MTG1: variants seen among roughly 807,000 people sequenced by gnomAD.
MTG1 encodes mitochondrial ribosome associated GTPase 1, also known as mitochondrial ribosome-associated GTPase 1.
A neutral mutation model predicts 39.5 loss-of-function variants in MTG1; 30 were observed. The ratio of observed to expected loss-of-function variants is 0.76; its 90% CI spans 0.57 to 1.03. MTG1 has a LOEUF of 1.03. MTG1 is among the 50% of genes least tolerant of loss of function. MTG1 has a pLI of 0.00. For synonymous variants in MTG1, 217 were observed against 179.0 expected (o/e 1.21, Z -1.69); for missense variants, 513 against 447.4 (o/e 1.15, Z -1.32).
At chr10:133,399,061 G>C (rs1282629833) in intron 4 of MTG1, 109 bp from the exon 5 acceptor site, 2 of 1,217,308 alleles carry the variant, frequency 1.6e-6, no homozygotes, top group Admixed American at 1.8e-5. Flanking sequence ...ACGGATATGT[G>C]AAAGTGGAGA....
At chr10:133,396,035 C>G in intron 2 of MTG1, 128 bp from the exon 3 acceptor site, 2 of 915,166 alleles carry the variant, frequency 2.2e-6, no homozygotes, top group Non-Finnish European at 3.5e-6. Flanking sequence ...ATGTTCCTGC[C>G]AACTGGGGCT....
chr10:133,398,094 C>T (rs1849815657), intron 3 of MTG1, among the ~76,000 whole-genome samples: 2 of 152,132 alleles, frequency 1.3e-5, no homozygotes, highest in Non-Finnish European at 2.9e-5. Flanking sequence ...GTGTCATCTT[C>T]GTGGACAGCT....
At position 133,399,552 on chromosome 10, in the gene MTG1, C is replaced by T; in HGVS notation, c.444C>T (p.Val148=). 2 of 1,614,204 alleles carry T rather than the reference C, an allele frequency of 1.2e-6. No individual in the cohort carries two copies. Among genetic ancestry groups the T allele is most frequent in the Non-Finnish European group, 1.7e-6 (2 of 1,180,034 alleles). The change falls in exon 6 of 11, where the codon GTC becomes GTT. Residue 148 remains valine, a synonymous_variant. Transcript: ENST00000317502. The part of the protein sequence containing the change: ...RKENLEYCIM[V]IGVPNVGKSS... ...AGAACCTGGAGTACTGTATCATGGT[C>T]ATTGGGGTCCCCAACGTGGGCAAGT...
At position 133,402,663 on chromosome 10, in the gene MTG1, A is replaced by G. The variant is rs1849900728; in HGVS notation, c.671-29A>G. 3.2e-6 allele frequency: 5 copies of G among 1,575,572 alleles called. No homozygotes were observed. The highest frequency in any genetic ancestry group is 4.3e-6 in the Non-Finnish European group (5 of 1,159,170). On this transcript the variant is annotated intron_variant, in intron 8 of 10. Coordinates refer to ENST00000317502, the MANE Select transcript of MTG1 (RefSeq NM_138384.4). This position sits in a 1 kb window ranked among gnomAD's most constrained non-coding sequence, Gnocchi z 4.7. The stretch of plus-strand genomic sequence containing the variant: ...CAGGAACATAGATGTGGCTGTTTCC[A>G]GTGCTCACCTCGGCTGCTGCTTCCA...
chr10:133,394,211 C>A lies in MTG1; in HGVS notation c.-10C>A, dbSNP rs1393972800. Reference sequence around the variant, plus strand: ...TCAGCTGCGGGAGCGTTTCCGGGGACGGTGCCGCCATGAGATTGACCCCGC... The same window carrying A: ...TCAGCTGCGGGAGCGTTTCCGGGGAAGGTGCCGCCATGAGATTGACCCCGC... On this transcript the variant is annotated 5_prime_UTR_variant, in exon 1 of 11. Coordinates refer to ENST00000317502, the MANE Select transcript of MTG1 (RefSeq NM_138384.4). 2 of 1,510,600 alleles carry A rather than the reference C, an allele frequency of 1.3e-6. No homozygotes were observed. The highest frequency in any genetic ancestry group is 1.4e-5 in the African/African-American group (1 of 69,114). 93.6% of individuals were successfully genotyped at this position (1,510,600 alleles called of 1,614,324 possible).
chr10:133,410,923 T>G (rs1224807076), intron 9 of MTG1, among the ~76,000 whole-genome samples: 2 of 152,216 alleles, frequency 1.3e-5, no homozygotes, highest in African/African-American at 4.8e-5. Flanking sequence ...TTTTTTATAT[T>G]GGCTCTCTCT....
intron 9 of MTG1, among the ~76,000 whole-genome samples, chr10:133,412,136 C>G (rs1051847370): frequency 2.0e-5 from 3 of 151,742 alleles, no homozygotes; most frequent in Admixed American, 1.3e-4. Context: ...TTTCACTTCT[C>G]TGGTCTCATC....
At chr10:133,404,011 C>T (rs1438734511) in intron 9 of MTG1, among the ~76,000 whole-genome samples, 4 of 150,192 alleles carry the variant, frequency 2.7e-5, no homozygotes, top group African/African-American at 4.9e-5. Flanking sequence ...ATGACAGGGA[C>T]GTTGAGCATC....
intron 9 of MTG1, among the ~76,000 whole-genome samples, chr10:133,404,568 A>G (rs916090841): frequency 4.6e-5 from 7 of 152,190 alleles, no homozygotes; most frequent in African/African-American, 1.7e-4. Flanking sequence ...CATGCAGTCC[A>G]GTTTATCAGC....
chr10:133,409,663 C>A (rs761263488), intron 9 of MTG1, among the ~76,000 whole-genome samples: 1 of 152,182 alleles, frequency 6.6e-6, no homozygotes, highest in Non-Finnish European at 1.5e-5. Flanking sequence ...CTCTCACTTT[C>A]AATCTATCAA....
chr10:133,415,158 AAG>A (rs1491222013), intron 9 of MTG1, among the ~76,000 whole-genome samples: 25 of 150,298 alleles, frequency 1.7e-4, no homozygotes, highest in African/African-American at 5.3e-4. Flanking sequence ...AGACCGTGGA[AAG>A]AGAGGGAGAG....
Position 133,402,424 on chromosome 10 carries a change from C to T in MTG1, c.670+179C>T, listed in dbSNP as rs1849896161. ...TGTAATAGTGCACAGCTGACAGGCA[C>T]TGGTCACCATTCCACCCTGCCCCAT... On this transcript the variant is annotated intron_variant, in intron 8 of 10. Coordinates refer to ENST00000317502, the MANE Select transcript of MTG1 (RefSeq NM_138384.4). This position sits in a 1 kb window ranked among gnomAD's most constrained non-coding sequence, Gnocchi z 4.7. 5.4e-6 allele frequency: 4 copies of T among 744,934 alleles called. No individual in the cohort carries two copies. The highest frequency in any genetic ancestry group is 8.9e-6 in the Non-Finnish European group (4 of 447,918). The allele number at this position is 744,934 out of a possible 1,614,324, so 46.1% of individuals were successfully genotyped here.
chr10:133,394,293 C>T lies in MTG1; in HGVS notation c.73C>T (p.Arg25Cys). Reference sequence around the variant, plus strand: ...GCGGGAGAACTTCCCCCTGTGCGGTCGCGACGTGGCGCGCTGGTTCCCGGG... The same window carrying T: ...GCGGGAGAACTTCCCCCTGTGCGGTTGCGACGTGGCGCGCTGGTTCCCGGG... ...AWRENFPLCG[R>C]DVARWFPGHM... is the part of the protein sequence containing the mutation. Residue 25 changes from arginine (R) to cysteine (C), a missense_variant, in exon 1 of 11, where the codon CGC (arginine) becomes TGC (cysteine). Transcript: ENST00000317502. 6.6e-7 allele frequency: 1 copy of T among 1,516,624 alleles called. No homozygotes were observed. Among genetic ancestry groups the T allele is most frequent in the East Asian group, 2.7e-5 (1 of 37,204 alleles). 93.9% of individuals were successfully genotyped at this position (1,516,624 alleles called of 1,614,324 possible).
Position 133,402,263 on chromosome 10 carries a change from CTGGGGCT to C in MTG1, c.670+19_670+25del, listed in dbSNP as rs763851581. 6.5e-7 allele frequency: 1 copy of C among 1,532,018 alleles called. No individual in the cohort carries two copies. Among genetic ancestry groups the C allele is most frequent in the Non-Finnish European group, 9.0e-7 (1 of 1,114,176 alleles). 94.9% of individuals were successfully genotyped at this position (1,532,018 alleles called of 1,614,324 possible). A position where few individuals can be genotyped will look rare whatever the true frequency, so the allele number is the denominator to read the frequency against. On this transcript the variant is annotated intron_variant, in intron 8 of 10. Transcript: ENST00000317502. This position sits in a 1 kb window ranked among gnomAD's most constrained non-coding sequence, Gnocchi z 4.7. ...CCTGTGTGGTGAGCCGGGGCTGGGG[CTGGGGCT>C]GGGGCTGGGACCGGGGCCCCTGCCA...
At chr10:133,410,420 C>T (rs1850028517) in intron 9 of MTG1, among the ~76,000 whole-genome samples, 1 of 152,106 alleles carries the variant, frequency 6.6e-6, no homozygotes, top group African/African-American at 2.4e-5. Context: ...TGGATAAAGA[C>T]TTAATATTGC....
Position 133,402,808 on chromosome 10 carries a change from T to C in MTG1, c.752+35T>C. The C allele has an allele frequency of 6.9e-7, 1 of 1,447,522 alleles. No homozygotes were observed. Among genetic ancestry groups the C allele is most frequent in the Non-Finnish European group, 9.4e-7 (1 of 1,067,556 alleles). 89.7% of individuals were successfully genotyped at this position (1,447,522 alleles called of 1,614,324 possible). The stretch of plus-strand genomic sequence containing the variant: ...GTGAATGCAGGGCAGCTGGGGCCCC[T>C]CCTCCTAGTCACCTCATTTAAAAAA... On this transcript the variant is annotated intron_variant, in intron 9 of 10. Transcript: ENST00000317502. The surrounding 1 kb of genome is among the most constrained non-coding windows in gnomAD (Gnocchi z 4.7).
chr10:133,419,505 A>G lies in MTG1; in HGVS notation c.778A>G (p.Ser260Gly). ...FGYVQHYGLG[S>G]ACDNVERVLK... ...GTACGTGCAGCACTACGGCCTGGGC[A>G]GTGCCTGTGACAACGTAGAGCGCGT... Residue 260 changes from serine (S) to glycine (G), a missense_variant, in exon 10 of 11, where the codon AGT (serine) becomes GGT (glycine). Coordinates refer to ENST00000317502, the MANE Select transcript of MTG1 (RefSeq NM_138384.4). The G allele has an allele frequency of 6.2e-7, 1 of 1,606,122 alleles. No homozygotes were observed. The highest frequency in any genetic ancestry group is 8.5e-7 in the Non-Finnish European group (1 of 1,176,732).
chr10:133,396,264 G>T lies in MTG1; in HGVS notation c.279G>T (p.Gln93His). Residue 93 changes from glutamine to histidine, a missense_variant, in exon 3 of 11, where the codon CAG becomes CAT. By Grantham distance (24) the Gln-to-His change is conservative (BLOSUM62 0). Coordinates refer to ENST00000317502, the MANE Select transcript of MTG1 (RefSeq NM_138384.4). ...TGGACTTGGCGGATCTTACAGAGCA[G>T]CAGGTAAAGGCCTTTCTCTCAGACG... ...NKMDLADLTE[Q>H]QKIMQHLEGE... 1 of 1,613,050 alleles carries T rather than the reference G, an allele frequency of 6.2e-7. No individual in the cohort carries two copies. Among genetic ancestry groups the T allele is most frequent in the Non-Finnish European group, 8.5e-7 (1 of 1,179,006 alleles).
chr10:133,405,686 C>T (rs1240714677), intron 9 of MTG1, among the ~76,000 whole-genome samples: 1 of 152,192 alleles, frequency 6.6e-6, no homozygotes, highest in Non-Finnish European at 1.5e-5. Context: ...TTTGTTATGG[C>T]TAATATTTCA....
Sources: gnomAD v4.1 joint callset for allele counts (sites outside exome capture counted in the v4.1 genomes callset) on GRCh38, gnomAD v4.1.1 for gene constraint, Gnocchi (gnomAD v3.1) non-coding constraint, MANE v1.5 for transcripts, NCBI Gene and HGNC (gene_info 2026-07-23, HGNC 2026-07-21) for gene names.